The following ARL8A variants were observed in gnomAD, a reference collection of about 807,000 sequenced individuals.
ARL8A encodes the protein ADP-ribosylation factor-like protein 8A.
A neutral mutation model predicts 31.2 loss-of-function variants in ARL8A; 10 were observed. The ratio of observed to expected loss-of-function variants is 0.32; its 90% CI spans 0.20 to 0.54. The LOEUF (loss-of-function observed/expected upper bound fraction) is 0.54. Among genes scored for constraint, ARL8A ranks in the 20% least tolerant of loss-of-function variants. ARL8A has a pLI of 0.93. For missense variants in ARL8A, 129 were observed against 242.8 expected (o/e 0.53, Z 3.12); for synonymous variants, 70 against 86.9 (o/e 0.81, Z 1.08).
intron 1 of ARL8A, among the ~76,000 whole-genome samples, chr1:202,140,332 G>A (rs1432488165): frequency 6.8e-6 from 1 of 147,574 alleles, no homozygotes; most frequent in African/African-American, 2.5e-5. Flanking sequence ...TAGTAGATTC[G>A]GGGTTTCACC....
In ARL8A at chr1:202,134,154, A is replaced by C; in HGVS notation, c.*313T>G. The C allele has an allele frequency of 2.4e-6, 1 of 412,452 alleles. No homozygotes were observed. The highest frequency in any genetic ancestry group is 4.5e-6 in the Non-Finnish European group (1 of 222,150). The allele number at this position is 412,452 out of a possible 1,614,324, so 25.5% of individuals were successfully genotyped here. A position where few individuals can be genotyped will look rare whatever the true frequency, so the allele number is the denominator to read the frequency against. On this transcript the variant is annotated 3_prime_UTR_variant, in exon 7 of 7. Coordinates refer to ENST00000272217, the MANE Select transcript of ARL8A (RefSeq NM_138795.4). The surrounding 1 kb of genome is among the most constrained non-coding windows in gnomAD (Gnocchi z 4.2). ...AACAGAGAGTGTTGAAAAGGGAGGT[A>C]CAAGAGCGGGCCGGGGAAAAGCCAG...
In ARL8A at chr1:202,134,621, G is replaced by A; in HGVS notation, c.512-105C>T. 3 of 1,036,334 alleles carry A rather than the reference G, an allele frequency of 2.9e-6. No individual in the cohort carries two copies. The highest frequency in any genetic ancestry group is 4.6e-6 in the Non-Finnish European group (3 of 658,766). The allele number at this position is 1,036,334 out of a possible 1,614,324, so 64.2% of individuals were successfully genotyped here. A position where few individuals can be genotyped will look rare whatever the true frequency, so the allele number is the denominator to read the frequency against. ...AACCTAAGGGTATCAGAAGTCCAGA[G>A]ATGCCAGGAGGGGTGGCGCACACCT... is the stretch of plus-strand genomic sequence containing the variant. On this transcript the variant is annotated intron_variant, in intron 6 of 6. Transcript: ENST00000272217. This position sits in a 1 kb window ranked among gnomAD's most constrained non-coding sequence, Gnocchi z 4.2.
In ARL8A at chr1:202,135,441, TAG is replaced by T. The variant is rs761418805; in HGVS notation, c.440+16_440+17del. 135 of 1,612,410 alleles carry T rather than the reference TAG, an allele frequency of 8.4e-5. No individual in the cohort carries two copies. The highest frequency in any genetic ancestry group is 1.6e-4 in the Middle Eastern group (1 of 6,076). ...GGAATTGGGAGAGCAGAAAGTAATATAGAGTCACCCAACTCACATTTTCTCAA... is the reference window on the plus strand; with the variant it reads ...GGAATTGGGAGAGCAGAAAGTAATATAGTCACCCAACTCACATTTTCTCAA... On this transcript the variant is annotated intron_variant, in intron 5 of 6. Transcript: ENST00000272217. This position sits in a 1 kb window ranked among gnomAD's most constrained non-coding sequence, Gnocchi z 5.3.
At chr1:202,142,147 G>A (rs1255583935) in intron 1 of ARL8A, among the ~76,000 whole-genome samples, 6 of 152,218 alleles carry the variant, frequency 3.9e-5, no homozygotes, top group African/African-American at 9.6e-5. Flanking sequence ...GATTACAGGC[G>A]TGAGCCACCA....
In ARL8A at chr1:202,144,669, GT is replaced by G; in HGVS notation, c.-98del. ...GCGGCCCCTCCCCGGTACGGCCCGG[GT>G]CCCGCGGCTCGGTGCGGGCGGAGGC... is the stretch of plus-strand genomic sequence containing the variant. On this transcript the variant is annotated 5_prime_UTR_variant, in exon 1 of 7. Transcript: ENST00000272217. The surrounding 1 kb of genome is among the most constrained non-coding windows in gnomAD (Gnocchi z 5.2). 1 of 1,073,586 alleles carries G rather than the reference GT, an allele frequency of 9.3e-7. No individual in the cohort carries two copies. Among genetic ancestry groups the G allele is most frequent in the South Asian group, 4.1e-5 (1 of 24,132 alleles). The allele number at this position is 1,073,586 out of a possible 1,614,324, so 66.5% of individuals were successfully genotyped here.
Position 202,135,233 on chromosome 1 carries a change from A to C in ARL8A, c.441-13T>G. On this transcript the variant is annotated splice_polypyrimidine_tract_variant and intron_variant, in intron 5 of 6. Coordinates refer to ENST00000272217, the MANE Select transcript of ARL8A (RefSeq NM_138795.4). This position sits in a 1 kb window ranked among gnomAD's most constrained non-coding sequence, Gnocchi z 5.3. ...GGCAGACAGATTCCTGGGGGAAACCAGAGTAGAGTCCGCTGAGGCTACGAA... is the reference window on the plus strand; with the variant it reads ...GGCAGACAGATTCCTGGGGGAAACCCGAGTAGAGTCCGCTGAGGCTACGAA... 1 of 1,612,922 alleles carries C rather than the reference A, an allele frequency of 6.2e-7. No homozygotes were observed.
At position 202,135,621 on chromosome 1, in the gene ARL8A, C is replaced by T. The variant is rs574217773; in HGVS notation, c.372+86G>A. 2.5e-4 allele frequency: 387 copies of T among 1,572,756 alleles called. No individual in the cohort carries two copies. Among genetic ancestry groups the T allele is most frequent in the Middle Eastern group, 3.6e-4 (2 of 5,500 alleles). ...CCTCCTGGGTCCCGTTTCCTCTCTG[C>T]GCCCCTACCATGCCTGGCTTTTACC... is the stretch of plus-strand genomic sequence containing the variant. On this transcript the variant is annotated intron_variant, in intron 4 of 6. Transcript: ENST00000272217. The surrounding 1 kb of genome is among the most constrained non-coding windows in gnomAD (Gnocchi z 5.3).
At position 202,138,513 on chromosome 1, in the gene ARL8A, G is replaced by A; in HGVS notation, c.124-65C>T. 2 of 1,502,794 alleles carry A rather than the reference G, an allele frequency of 1.3e-6. No homozygotes were observed. Among genetic ancestry groups the A allele is most frequent in the Non-Finnish European group, 1.9e-6 (2 of 1,080,064 alleles). 93.1% of individuals were successfully genotyped at this position (1,502,794 alleles called of 1,614,324 possible). A position where few individuals can be genotyped will look rare whatever the true frequency, so the allele number is the denominator to read the frequency against. ...GATATGCCCCCACCGCAGACCAAGA[G>A]GCTGCGAGAACCATGCAGAGGCCAG... On this transcript the variant is annotated intron_variant, in intron 1 of 6. Transcript: ENST00000272217. This position sits in a 1 kb window ranked among gnomAD's most constrained non-coding sequence, Gnocchi z 4.4.
intron 1 of ARL8A, among the ~76,000 whole-genome samples, chr1:202,143,284 C>A (rs1027228357): frequency 6.6e-6 from 1 of 152,308 alleles, no homozygotes; most frequent in South Asian, 2.1e-4. Context: ...AAGTGACGTC[C>A]CCTGCCTTCT....
chr1:202,136,070 G>A (rs1180796749), intron 3 of ARL8A, among the ~76,000 whole-genome samples: 2 of 152,022 alleles, frequency 1.3e-5, no homozygotes, highest in African/African-American at 4.8e-5. Context: ...AAAAGCGTGG[G>A]CCCTTTGAGA....
chr1:202,142,516 G>A (rs903333759), intron 1 of ARL8A, among the ~76,000 whole-genome samples: 1 of 152,248 alleles, frequency 6.6e-6, no homozygotes, highest in Admixed American at 6.5e-5. Flanking sequence ...AATTCCAACT[G>A]CAGCCCACAT....
At position 202,138,595 on chromosome 1, in the gene ARL8A, G is replaced by C; in HGVS notation, c.124-147C>G. The C allele has an allele frequency of 4.1e-6, 3 of 723,398 alleles. No homozygotes were observed. Among genetic ancestry groups the C allele is most frequent in the East Asian group, 5.4e-5 (2 of 37,242 alleles). 44.8% of individuals were successfully genotyped at this position (723,398 alleles called of 1,614,324 possible). A position where few individuals can be genotyped will look rare whatever the true frequency, so the allele number is the denominator to read the frequency against. ...TACTCTTGCACATCCTGTGCTTTCA[G>C]GCAGGATGGGCTATCACCAACCTAT... is the stretch of plus-strand genomic sequence containing the variant. On this transcript the variant is annotated intron_variant, in intron 1 of 6. Coordinates refer to ENST00000272217, the MANE Select transcript of ARL8A (RefSeq NM_138795.4). This position sits in a 1 kb window ranked among gnomAD's most constrained non-coding sequence, Gnocchi z 4.4.
chr1:202,139,759 T>C (rs1655118092), intron 1 of ARL8A, among the ~76,000 whole-genome samples: 3 of 142,554 alleles, frequency 2.1e-5, no homozygotes, highest in African/African-American at 7.7e-5. Context: ...GAGGGTCTCC[T>C]GCCTCAGCCT....
At chr1:202,141,590 C>T (rs7528720) in intron 1 of ARL8A, among the ~76,000 whole-genome samples, 3,418 of 149,440 alleles carry the variant, frequency 0.023, 70 homozygotes, top group Non-Finnish European at 0.028. Context: ...TGCAGTGAGC[C>T]GAGACTGTAC....
intron 3 of ARL8A, among the ~76,000 whole-genome samples, chr1:202,136,515 G>A (rs1655010018): frequency 6.6e-6 from 1 of 152,078 alleles, no homozygotes; most frequent in African/African-American, 2.4e-5. Flanking sequence ...TCCTGACCTT[G>A]TGATCCACTC....
rs903471757 is a variant in ARL8A, at chr1:202,135,832, G to A, written c.279-32C>T. On this transcript the variant is annotated intron_variant, in intron 3 of 6. Transcript: ENST00000272217. The surrounding 1 kb of genome is among the most constrained non-coding windows in gnomAD (Gnocchi z 5.3). ...AAAGAGGCAGGGTGGGGACAAGCAT[G>A]TTGACACCACAGGCTGAGGTGGTGC... The A allele has an allele frequency of 1.9e-6, 3 of 1,560,580 alleles. No individual in the cohort carries two copies. Among genetic ancestry groups the A allele is most frequent in the East Asian group, 2.2e-5 (1 of 44,632 alleles).
chr1:202,138,041 G>A lies in ARL8A; in HGVS notation c.205-3C>T. On this transcript the variant is annotated splice_region_variant and splice_polypyrimidine_tract_variant and intron_variant, in intron 2 of 6. Transcript: ENST00000272217. The surrounding 1 kb of genome is among the most constrained non-coding windows in gnomAD (Gnocchi z 4.4). ...GGCTGTCCCCCAATGTCCCAGAGCT[G>A]AGCAAGAAGAGGGTGAGATAGCCTC... is the stretch of plus-strand genomic sequence containing the variant. 8 of 1,613,990 alleles carry A rather than the reference G, an allele frequency of 5.0e-6. No homozygotes were observed. Among genetic ancestry groups the A allele is most frequent in the Non-Finnish European group, 6.8e-6 (8 of 1,180,038 alleles).
chr1:202,136,974 C>G (rs1326136972), intron 3 of ARL8A, among the ~76,000 whole-genome samples: 1 of 152,034 alleles, frequency 6.6e-6, no homozygotes, highest in Non-Finnish European at 1.5e-5. Flanking sequence ...CCTGCCTCAG[C>G]CTCGCGAGTA....
chr1:202,135,870 G>A lies in ARL8A; in HGVS notation c.279-70C>T. On this transcript the variant is annotated intron_variant, in intron 3 of 6. Transcript: ENST00000272217. The surrounding 1 kb of genome is among the most constrained non-coding windows in gnomAD (Gnocchi z 5.3). ...GCTGAGGTGGTGCAAGGAAGAGAAGGAGCTGCTGCTTGGAGGTGAAAGCAT... is the reference window on the plus strand; with the variant it reads ...GCTGAGGTGGTGCAAGGAAGAGAAGAAGCTGCTGCTTGGAGGTGAAAGCAT... 4 of 1,401,962 alleles carry A rather than the reference G, an allele frequency of 2.9e-6. No homozygotes were observed. Among genetic ancestry groups the A allele is most frequent in the Non-Finnish European group, 4.0e-6 (4 of 990,354 alleles). The allele number at this position is 1,401,962 out of a possible 1,614,324, so 86.8% of individuals were successfully genotyped here. A position where few individuals can be genotyped will look rare whatever the true frequency, so the allele number is the denominator to read the frequency against.
Sources: allele counts gnomAD v4.1 joint callset (sites outside exome capture counted in the v4.1 genomes callset), GRCh38; gene constraint gnomAD v4.1.1; non-coding constraint Gnocchi (gnomAD v3.1); transcripts MANE v1.5; gene names NCBI Gene and HGNC (gene_info 2026-07-23, HGNC 2026-07-21).